FLRT1: variants seen among roughly 807,000 people sequenced by gnomAD.
FLRT1 encodes fibronectin leucine rich transmembrane protein 1.
Under a neutral mutation model 30.9 loss-of-function variants are expected in FLRT1, and 14 were observed. The ratio of observed to expected loss-of-function variants is 0.45; its 90% confidence interval spans 0.30 to 0.71. The LOEUF (loss-of-function observed/expected upper bound fraction) is 0.71, where lower values mean the gene tolerates loss of function less well. Ranked by LOEUF, FLRT1 falls within the 30% of genes least tolerant of loss-of-function variation. The pLI is 0.08. For synonymous variants in FLRT1, 368 were observed against 430.4 expected (o/e 0.85, Z 1.80); for missense variants, 737 against 949.2 (o/e 0.78, Z 2.94).
At chr11:64,058,405 G>T (rs531679025) in intron 1 of FLRT1, among the ~76,000 whole-genome samples, 2 of 144,826 alleles carry the variant, frequency 1.4e-5, no homozygotes, top group East Asian at 1.9e-4. Context: ...GGAGGGCTTG[G>T]GGGGGGGTCC....
chr11:64,056,579 C>CG (rs1373109738), intron 1 of FLRT1, among the ~76,000 whole-genome samples: 1 of 152,186 alleles, frequency 6.6e-6, no homozygotes, highest in Non-Finnish European at 1.5e-5. Context: ...CCAAAGGCTG[C>CG]GGCCAGGGTG....
intron 1 of FLRT1, among the ~76,000 whole-genome samples, chr11:64,084,457 C>G (rs950731261): frequency 3.9e-4 from 59 of 152,332 alleles, no homozygotes; most frequent in African/African-American, 1.4e-3. Context: ...GCTGTGGAGG[C>G]AGCAGCAAAG....
At chr11:64,050,126 G>C (rs1263302409) in intron 1 of FLRT1, among the ~76,000 whole-genome samples, 1 of 152,092 alleles carries the variant, frequency 6.6e-6, no homozygotes, top group East Asian at 1.9e-4. Flanking sequence ...ATGCCCCACA[G>C]GGAAGCCGGG....
intron 2 of FLRT1, among the ~76,000 whole-genome samples, chr11:64,108,989 C>T (rs904960679): frequency 6.6e-6 from 1 of 152,072 alleles, no homozygotes; most frequent in Non-Finnish European, 1.5e-5. Context: ...GTGGGGGAGA[C>T]GTGACCAGCA....
At chr11:64,114,019 G>T (rs111210935) in intron 2 of FLRT1, among the ~76,000 whole-genome samples, 66 of 106,148 alleles carry the variant, frequency 6.2e-4, no homozygotes, top group Non-Finnish European at 1.1e-3. Flanking sequence ...TGCATGGATG[G>T]ATGGATGGAT....
At chr11:64,054,533 G>T (rs1172579267) in intron 1 of FLRT1, among the ~76,000 whole-genome samples, 1 of 152,092 alleles carries the variant, frequency 6.6e-6, no homozygotes, top group East Asian at 1.9e-4. Context: ...GCTCAGAGGT[G>T]CCTGATGGGG....
At chr11:64,110,405 G>C (rs1055114891) in intron 2 of FLRT1, among the ~76,000 whole-genome samples, 1 of 151,576 alleles carries the variant, frequency 6.6e-6, no homozygotes, top group Non-Finnish European at 1.5e-5. Flanking sequence ...AGCCGTGATC[G>C]GGCCACTGCA....
chr11:64,049,639 G>A (rs112994137), intron 1 of FLRT1, among the ~76,000 whole-genome samples: 10 of 152,326 alleles, frequency 6.6e-5, no homozygotes, highest in African/African-American at 2.2e-4. Context: ...GGTTGGAGGT[G>A]CCTGCTGAAG....
At chr11:64,049,917 C>T (rs946575682) in intron 1 of FLRT1, among the ~76,000 whole-genome samples, 6 of 152,216 alleles carry the variant, frequency 3.9e-5, no homozygotes, top group African/African-American at 9.6e-5. Context: ...GACGCTGTGG[C>T]CCCGGGGGGG....
rs1014661219 is a variant in FLRT1, at chr11:64,102,295, A to T, written c.-1037-899A>T. On this transcript the variant is annotated intron_variant, in intron 1 of 2. Transcript: ENST00000682287. ...GGGAGGGCTCGGGGTTTTGTTTTGG[A>T]TTCCAGAACAGCCTGCCCTGCCCTC... is the stretch of plus-strand genomic sequence containing the variant. 2.0e-5 allele frequency among the ~76,000 whole-genome samples: 3 copies of T among 152,214 alleles called. No homozygotes were observed. The East Asian group carries it at 5.8e-4, about 29-fold the overall frequency.
chr11:64,090,530 C>T lies in FLRT1; in HGVS notation c.-1037-12664C>T, dbSNP rs984111521. ...TTGCTTCCCCGGGCCCTCCCTCGAC[C>T]GGCTCTGCCTGCTCACAGGTGGCTG... On this transcript the variant is annotated intron_variant, in intron 1 of 2. Coordinates refer to ENST00000682287, the MANE Select transcript of FLRT1 (RefSeq NM_013280.5). The surrounding 1 kb of genome is among the most constrained non-coding windows in gnomAD (Gnocchi z 4.7). 5.9e-5 allele frequency among the ~76,000 whole-genome samples: 9 copies of T among 152,200 alleles called. No homozygotes were observed. The highest frequency in any genetic ancestry group is 2.1e-4 in the South Asian group (1 of 4,816).
chr11:64,093,766 G>C (rs1404430156), intron 1 of FLRT1, among the ~76,000 whole-genome samples: 1 of 152,214 alleles, frequency 6.6e-6, no homozygotes, highest in African/African-American at 2.4e-5. Flanking sequence ...TAAGAGCCCA[G>C]AACAGAACAG....
intron 1 of FLRT1, among the ~76,000 whole-genome samples, chr11:64,098,332 C>A (rs1944614069): frequency 1.3e-5 from 2 of 152,184 alleles, no homozygotes; most frequent in Admixed American, 1.3e-4. Flanking sequence ...GGGACACTGA[C>A]CTCTCACTAT....
At chr11:64,113,524 GGATA>G (rs976297610) in intron 2 of FLRT1, among the ~76,000 whole-genome samples, 9 of 150,762 alleles carry the variant, frequency 6.0e-5, no homozygotes, top group Non-Finnish European at 1.0e-4. Flanking sequence ...TTGGATGGAT[GGATA>G]GACAGGTGGA....
chr11:64,063,483 T>C (rs563957338), intron 1 of FLRT1, among the ~76,000 whole-genome samples: 1 of 152,184 alleles, frequency 6.6e-6, no homozygotes, highest in Admixed American at 6.5e-5. Context: ...GAACAGTTCA[T>C]CAAGGGGTGG....
rs903592430 is a variant in FLRT1, at chr11:64,090,802, T to A, written c.-1037-12392T>A. ...CTCCACCAGGCACTTGGGGTTTGTC[T>A]CTGGGGCTCTGCAGAAGCAGAGCCC... On this transcript the variant is annotated intron_variant, in intron 1 of 2. Coordinates refer to ENST00000682287, the MANE Select transcript of FLRT1 (RefSeq NM_013280.5). This position sits in a 1 kb window ranked among gnomAD's most constrained non-coding sequence, Gnocchi z 4.7. Among the ~76,000 whole-genome samples, 1 of 151,808 alleles carries A rather than the reference T, an allele frequency of 6.6e-6. No homozygotes were observed. Among genetic ancestry groups the A allele is most frequent in the Non-Finnish European group, 1.5e-5 (1 of 67,952 alleles).
chr11:64,080,756 G>A (rs1254708708), intron 1 of FLRT1, among the ~76,000 whole-genome samples: 1 of 152,188 alleles, frequency 6.6e-6, no homozygotes, highest in Non-Finnish European at 1.5e-5. Context: ...TGGATCCAGG[G>A]GTGGCTTTTA....
At chr11:64,097,076 G>C (rs1005109307) in intron 1 of FLRT1, among the ~76,000 whole-genome samples, 45 of 152,364 alleles carry the variant, frequency 3.0e-4, no homozygotes, top group African/African-American at 8.2e-4. Context: ...TGCTGCCCGG[G>C]GATGGCGGTG....
chr11:64,110,958 A>AG (rs1442257053), intron 2 of FLRT1, among the ~76,000 whole-genome samples: 3 of 152,030 alleles, frequency 2.0e-5, no homozygotes, highest in Non-Finnish European at 4.4e-5. Context: ...GGCCTTGGGG[A>AG]GGGGGGCGGC....
Sources: gnomAD v4.1 joint callset for allele counts (sites outside exome capture counted in the v4.1 genomes callset) on GRCh38, gnomAD v4.1.1 for gene constraint, Gnocchi (gnomAD v3.1) non-coding constraint, MANE v1.5 for transcripts, NCBI Gene and HGNC (gene_info 2026-07-23, HGNC 2026-07-21) for gene names.